Variants in RPH3A observed in about 807,000 individuals in gnomAD.
RPH3A encodes the protein rabphilin-3A.
RPH3A carries 48 observed loss-of-function variants against 102.2 expected under a neutral mutation model. That is an observed-to-expected ratio of 0.47 (90% CI 0.37 to 0.60). RPH3A has a LOEUF of 0.60. Ranked by LOEUF, RPH3A falls within the 20% of genes least tolerant of loss-of-function variation. The pLI is 0.00. For missense variants in RPH3A, 781 were observed against 910.1 expected (o/e 0.86, Z 1.83); for synonymous variants, 310 against 324.3 (o/e 0.96, Z 0.47).
chr12:112,865,595 A>G (rs1164885389), intron 6 of RPH3A, 52 bp downstream of exon 6: 2 of 1,584,552 alleles, frequency 1.3e-6, no homozygotes, highest in Non-Finnish European at 1.7e-6. Context: ...GCAGAGGGGA[A>G]AGTCCTAGGC....
chr12:112,653,554 A>G (rs2039991451), intron 1 of RPH3A, among the ~76,000 whole-genome samples: 3 of 152,102 alleles, frequency 2.0e-5, no homozygotes, highest in African/African-American at 7.2e-5. Flanking sequence ...CTGTCCACTT[A>G]GGCTACACTT....
chr12:112,717,435 C>T (rs4766996), intron 1 of RPH3A, among the ~76,000 whole-genome samples: 19,313 of 152,024 alleles, frequency 0.13, 1,525 homozygotes, highest in Admixed American at 0.21. Context: ...AAAGTAATTA[C>T]GGTTTTTGCC....
At chr12:112,664,352 C>A (rs2040070281) in intron 1 of RPH3A, among the ~76,000 whole-genome samples, 1 of 152,102 alleles carries the variant, frequency 6.6e-6, no homozygotes, top group Admixed American at 6.5e-5. Flanking sequence ...AGGAGGTAAA[C>A]AATCAGGTTC....
chr12:112,875,552 T>C (rs1207201291), intron 11 of RPH3A, 127 bp from the exon 12 acceptor site: 5 of 754,532 alleles, frequency 6.6e-6, no homozygotes, highest in Middle Eastern at 4.8e-4. Context: ...GGACTGTTTC[T>C]GCAGCCTCGG....
At chr12:112,600,023 A>G (rs1018206919) in intron 1 of RPH3A, among the ~76,000 whole-genome samples, 2 of 152,142 alleles carry the variant, frequency 1.3e-5, no homozygotes, top group African/African-American at 4.8e-5. Context: ...TGCATAGAGA[A>G]TTCAGCTTTG....
intron 1 of RPH3A, among the ~76,000 whole-genome samples, chr12:112,594,482 CTCA>C (rs1389922713): frequency 6.6e-6 from 1 of 152,266 alleles, no homozygotes; most frequent in South Asian, 2.1e-4. Flanking sequence ...ATCTATCCAT[CTCA>C]TCATCTATCT....
chr12:112,654,757 G>T (rs1168544917), intron 1 of RPH3A, among the ~76,000 whole-genome samples: 8 of 152,196 alleles, frequency 5.3e-5, no homozygotes, highest in Admixed American at 5.2e-4. Flanking sequence ...GTTATCCTCA[G>T]ATGGTAGGTC....
At chr12:112,880,162 AATTATGTATCAGCATTTATTGGACATCT>A (rs1259203268) in intron 14 of RPH3A, among the ~76,000 whole-genome samples, 8 of 152,302 alleles carry the variant, frequency 5.3e-5, no homozygotes, top group South Asian at 2.1e-4. Context: ...ATTGAGCACC[AATTATGTATCAGCATTTATTGGACATCT>A]ATTATGTATC....
At chr12:112,586,564 G>A (rs1043983993) in intron 1 of RPH3A, among the ~76,000 whole-genome samples, 3 of 152,208 alleles carry the variant, frequency 2.0e-5, no homozygotes, top group Admixed American at 6.5e-5. Context: ...GACCAAGCAG[G>A]GGAATGAAGC....
chr12:112,601,673 T>G (rs752336672), intron 1 of RPH3A, among the ~76,000 whole-genome samples: 26 of 152,234 alleles, frequency 1.7e-4, no homozygotes, highest in Non-Finnish European at 3.2e-4. Flanking sequence ...GGCTCATGCC[T>G]GTAATCCCAG....
intron 5 of RPH3A, among the ~76,000 whole-genome samples, chr12:112,860,864 A>G (rs995558924): frequency 1.3e-5 from 2 of 152,224 alleles, no homozygotes; most frequent in African/African-American, 2.4e-5. Flanking sequence ...AACTGTGTAT[A>G]AGAAAAATGT....
intron 2 of RPH3A, among the ~76,000 whole-genome samples, chr12:112,797,756 G>A (rs2041262101): frequency 6.6e-6 from 1 of 151,746 alleles, no homozygotes; most frequent in Non-Finnish European, 1.5e-5. Flanking sequence ...GTGGCGTGAT[G>A]ATCATAGCTC....
intron 1 of RPH3A, among the ~76,000 whole-genome samples, chr12:112,590,586 C>A (rs913112496): frequency 2.0e-5 from 3 of 152,210 alleles, no homozygotes; most frequent in African/African-American, 7.2e-5. Context: ...AGGCTCAGGG[C>A]TGCATTGTTT....
chr12:112,801,113 AGG>A (rs2041341425), intron 2 of RPH3A, among the ~76,000 whole-genome samples: 2 of 152,068 alleles, frequency 1.3e-5, no homozygotes, highest in African/African-American at 4.8e-5. Context: ...GCCTTTCTCC[AGG>A]GGCTGCGGGA....
intron 1 of RPH3A, among the ~76,000 whole-genome samples, chr12:112,576,732 G>A (rs1671736384): frequency 6.6e-6 from 1 of 152,102 alleles, no homozygotes; most frequent in South Asian, 2.1e-4. Flanking sequence ...TTTGGTGGAG[G>A]GAAGAATTTT....
intron 12 of RPH3A, 133 bp downstream of exon 12, chr12:112,875,874 C>T (rs2042789600): frequency 4.6e-6 from 3 of 656,516 alleles, no homozygotes; most frequent in Admixed American, 3.0e-5. Flanking sequence ...TAAACAGCTC[C>T]CCCGAGTCTA....
intron 1 of RPH3A, among the ~76,000 whole-genome samples, chr12:112,663,613 T>C (rs929992482): frequency 3.9e-5 from 6 of 152,176 alleles, no homozygotes; most frequent in African/African-American, 1.4e-4. Flanking sequence ...TGCCTTGGCC[T>C]ACCAAAGTGC....
chr12:112,634,512 C>T (rs1592918229), intron 1 of RPH3A, among the ~76,000 whole-genome samples: 1 of 144,498 alleles, frequency 6.9e-6, no homozygotes, highest in East Asian at 2.1e-4. Flanking sequence ...GCTGAAATTG[C>T]ACCACTGCAC....
At chr12:112,878,384 A>G (rs1251827602) in intron 13 of RPH3A, among the ~76,000 whole-genome samples, 2 of 152,032 alleles carry the variant, frequency 1.3e-5, no homozygotes, top group Non-Finnish European at 2.9e-5. Flanking sequence ...TCCATACTCT[A>G]TACTCTTCAC....
Sources: gnomAD v4.1 joint callset for allele counts (sites outside exome capture counted in the v4.1 genomes callset) on GRCh38, gnomAD v4.1.1 for gene constraint, MANE v1.5 for transcripts, NCBI Gene and HGNC (gene_info 2026-07-23, HGNC 2026-07-21) for gene names.